Variants in IP6K1 observed in about 807,000 individuals in gnomAD.
The protein encoded by IP6K1 is ATP:1D-myo-inositol-hexakisphosphate phosphotransferase.
Under a neutral mutation model 38.3 loss-of-function variants are expected in IP6K1, and 13 were observed. That is an observed-to-expected ratio of 0.34 (90% confidence interval 0.22 to 0.54). The LOEUF (loss-of-function observed/expected upper bound fraction) is 0.54, where lower values mean the gene tolerates loss of function less well. Among genes scored for constraint, IP6K1 ranks in the 20% least tolerant of loss-of-function variants. IP6K1 has a pLI of 0.92. For synonymous variants in IP6K1, 212 were observed against 229.9 expected (o/e 0.92, Z 0.70); for missense variants, 397 against 599.8 (o/e 0.66, Z 3.53).
chr3:49,766,986 A>G (rs1015232653), intron 1 of IP6K1, among the ~76,000 whole-genome samples: 45 of 140,378 alleles, frequency 3.2e-4, no homozygotes, highest in African/African-American at 1.2e-3. Context: ...AAAAAAAAAA[A>G]AGAAAGAAAT....
At chr3:49,762,475 G>C (rs576765306) in intron 1 of IP6K1, among the ~76,000 whole-genome samples, 1 of 152,078 alleles carries the variant, frequency 6.6e-6, no homozygotes, top group African/African-American at 2.4e-5. Flanking sequence ...ACTTGAACCC[G>C]GGAGGCAGAG....
chr3:49,759,000 T>A (rs1176535362), intron 1 of IP6K1, among the ~76,000 whole-genome samples: 1 of 152,068 alleles, frequency 6.6e-6, no homozygotes, highest in Non-Finnish European at 1.5e-5. Flanking sequence ...ATTAGTTTTG[T>A]CACTAACCTG....
intron 2 of IP6K1, among the ~76,000 whole-genome samples, chr3:49,741,859 C>G (rs974080014): frequency 4.6e-5 from 7 of 152,182 alleles, no homozygotes; most frequent in African/African-American, 1.7e-4. Context: ...AGAACTGGGA[C>G]AAGACAATTT....
At chr3:49,784,363 G>A (rs912971803) in intron 1 of IP6K1, among the ~76,000 whole-genome samples, 6 of 152,138 alleles carry the variant, frequency 3.9e-5, no homozygotes, top group African/African-American at 1.2e-4. Context: ...GGCTAGGCGC[G>A]TGACCAGGCA....
chr3:49,779,786 A>T (rs2081049330), intron 1 of IP6K1, among the ~76,000 whole-genome samples: 1 of 152,130 alleles, frequency 6.6e-6, no homozygotes, highest in African/African-American at 2.4e-5. Context: ...CCTGGGCTCA[A>T]GCAATCCTCC....
intron 1 of IP6K1, among the ~76,000 whole-genome samples, chr3:49,754,074 A>G (rs1040759775): frequency 5.9e-5 from 9 of 152,192 alleles, no homozygotes; most frequent in Non-Finnish European, 1.2e-4. Context: ...CTCAACTATA[A>G]AAGATTAATC....
chr3:49,784,210 A>G (rs531864446), intron 1 of IP6K1, among the ~76,000 whole-genome samples: 6 of 151,978 alleles, frequency 3.9e-5, no homozygotes, highest in South Asian at 2.1e-4. Flanking sequence ...TGGATAGGCT[A>G]ATCTCTTAAC....
At chr3:49,734,381 A>AT (rs1267655622) in intron 3 of IP6K1, among the ~76,000 whole-genome samples, 1 of 146,684 alleles carries the variant, frequency 6.8e-6, no homozygotes, top group Admixed American at 7.1e-5. Flanking sequence ...GAGGTGGAAC[A>AT]TTACCGTAAT....
At chr3:49,774,399 C>T (rs1254023941) in intron 1 of IP6K1, among the ~76,000 whole-genome samples, 3 of 116,390 alleles carry the variant, frequency 2.6e-5, no homozygotes, top group Admixed American at 2.2e-4. Flanking sequence ...AAGAGCTAGA[C>T]TCCATCTCAA....
intron 1 of IP6K1, among the ~76,000 whole-genome samples, chr3:49,754,805 G>GC (rs1281990435): frequency 6.6e-6 from 1 of 152,108 alleles, no homozygotes; most frequent in Non-Finnish European, 1.5e-5. Context: ...GGCAGGCACA[G>GC]ACACACACTA....
At chr3:49,760,359 C>G (rs1050000957) in intron 1 of IP6K1, among the ~76,000 whole-genome samples, 1 of 152,174 alleles carries the variant, frequency 6.6e-6, no homozygotes, top group Non-Finnish European at 1.5e-5. Context: ...CGCAGTGGCT[C>G]AAGCCTGTAA....
At chr3:49,766,263 T>C (rs1441481901) in intron 1 of IP6K1, among the ~76,000 whole-genome samples, 1 of 151,006 alleles carries the variant, frequency 6.6e-6, no homozygotes, top group Non-Finnish European at 1.5e-5. Context: ...ATCTCGGGAG[T>C]CTGGCTGAGG....
At chr3:49,762,449 T>C (rs907401251) in intron 1 of IP6K1, among the ~76,000 whole-genome samples, 1 of 151,732 alleles carries the variant, frequency 6.6e-6, no homozygotes, top group African/African-American at 2.4e-5. Context: ...ACTTGGGAGG[T>C]TGAGGCAGAA....
rs1478958092 is a variant in IP6K1 at position 49,775,550 on chromosome 3, T to C, written c.-129+10804A>G. 5.9e-6 allele frequency: 6 copies of C among 1,016,458 alleles called. 1 individual carries two copies. Among genetic ancestry groups the C allele is most frequent in the East Asian group, 3.0e-5 (1 of 33,210 alleles). The allele number at this position is 1,016,458 out of a possible 1,614,324, so 63.0% of individuals were successfully genotyped here. A position where few individuals can be genotyped will look rare whatever the true frequency, so the allele number is the denominator to read the frequency against. ...GAGATGGCTGCCCAAAGATTGTCAA[T>C]TTGGGGAGCTCTAAGACAGACCTCT... On this transcript the variant is annotated intron_variant, in intron 1 of 5. Coordinates refer to ENST00000321599, the MANE Select transcript of IP6K1 (RefSeq NM_153273.4).
intron 3 of IP6K1, among the ~76,000 whole-genome samples, chr3:49,733,673 T>C (rs2080582485): frequency 6.6e-6 from 1 of 152,236 alleles, no homozygotes; most frequent in African/African-American, 2.4e-5. Context: ...AAATATTGCA[T>C]GATTCTACTC....
intron 1 of IP6K1, among the ~76,000 whole-genome samples, chr3:49,770,533 T>G (rs968848941): frequency 2.0e-5 from 3 of 152,068 alleles, no homozygotes; most frequent in Non-Finnish European, 4.4e-5. Flanking sequence ...TAGTCTTAGC[T>G]ACGCGGGAGG....
intron 2 of IP6K1, among the ~76,000 whole-genome samples, chr3:49,745,716 G>A (rs1575311964): frequency 2.0e-5 from 3 of 149,458 alleles, no homozygotes; most frequent in South Asian, 2.2e-4. Context: ...TTAGTTAGGC[G>A]TGGTGGCACA....
At chr3:49,776,404 C>T (rs1351395713) in intron 1 of IP6K1, among the ~76,000 whole-genome samples, 1 of 151,934 alleles carries the variant, frequency 6.6e-6, no homozygotes, top group Non-Finnish European at 1.5e-5. Flanking sequence ...GTAATCCCAA[C>T]TATTCGCGAG....
At chr3:49,750,469 CG>C (rs1409125484) in intron 1 of IP6K1, among the ~76,000 whole-genome samples, 1 of 151,970 alleles carries the variant, frequency 6.6e-6, no homozygotes, top group East Asian at 1.9e-4. Context: ...CCGAGGCGGA[CG>C]GATCACCTGA....
Sources: gnomAD v4.1 joint callset for allele counts (sites outside exome capture counted in the v4.1 genomes callset) on GRCh38, gnomAD v4.1.1 for gene constraint, MANE v1.5 for transcripts, NCBI Gene and HGNC (gene_info 2026-07-23, HGNC 2026-07-21) for gene names.